Variants in FOXN3 observed in about 807,000 individuals in gnomAD.
FOXN3 encodes forkhead box protein N3.
Under a neutral mutation model 38.4 loss-of-function variants are expected in FOXN3, and 7 were observed. That is an observed-to-expected ratio of 0.18 (90% CI 0.10 to 0.34). FOXN3 has a LOEUF of 0.34. Among genes scored for constraint, FOXN3 ranks in the 10% least tolerant of loss-of-function variants. The probability of loss-of-function intolerance (pLI) is 1.00; values close to 1 mark genes in which losing one functional copy is unlikely to be tolerated. For missense variants in FOXN3, 456 were observed against 613.4 expected (o/e 0.74, Z 2.71); for synonymous variants, 230 against 242.2 (o/e 0.95, Z 0.47).
intron 2 of FOXN3, among the ~76,000 whole-genome samples, chr14:89,398,565 C>T (rs570366796): frequency 2.6e-5 from 4 of 152,218 alleles, no homozygotes; most frequent in Admixed American, 6.5e-5. Context: ...GACAAGAAAA[C>T]GGAGGTTCAA....
intron 4 of FOXN3, among the ~76,000 whole-genome samples, chr14:89,243,220 A>C (rs1473860113): frequency 6.6e-6 from 1 of 152,234 alleles, no homozygotes; most frequent in Non-Finnish European, 1.5e-5. Context: ...TTTTTTAAAA[A>C]AAGCAAAGCC....
chr14:89,571,490 G>A (rs1165112736), intron 1 of FOXN3, among the ~76,000 whole-genome samples: 1 of 149,962 alleles, frequency 6.7e-6, no homozygotes, highest in African/African-American at 2.5e-5. Context: ...GCCTGGGCAG[G>A]AGAGTGAGAC....
At chr14:89,170,512 C>A (rs951682382) in intron 5 of FOXN3, among the ~76,000 whole-genome samples, 1 of 152,144 alleles carries the variant, frequency 6.6e-6, no homozygotes, top group East Asian at 1.9e-4. Flanking sequence ...TGTGGCCTCA[C>A]GCAATCTCCC....
chr14:89,280,913 G>A (rs1286291961), intron 4 of FOXN3, 37 bp downstream of exon 4: 4 of 1,570,174 alleles, frequency 2.5e-6, no homozygotes, highest in Non-Finnish European at 3.5e-6. Context: ...GGGTGGGTGA[G>A]GGGGAGGGAG....
chr14:89,419,188 C>T (rs576060396), upstream of FOXN3: 9 of 456,032 alleles, frequency 2.0e-5, no homozygotes, highest in South Asian at 1.2e-4. Flanking sequence ...GAAGGTGTCA[C>T]CCTGAAGAGG....
At chr14:89,417,942 G>C, upstream of FOXN3, 1 of 339,452 alleles carries the variant, frequency 2.9e-6, no homozygotes, top group Non-Finnish European at 5.9e-6. Flanking sequence ...CCGGCCTAGA[G>C]AGAAAACAGG....
intron 1 of FOXN3, among the ~76,000 whole-genome samples, chr14:89,514,720 C>T (rs1348249897): frequency 6.6e-6 from 1 of 152,166 alleles, no homozygotes; most frequent in Non-Finnish European, 1.5e-5. Context: ...CCTGTGCTTT[C>T]GAGGAATTTT....
chr14:89,378,387 C>A (rs1458051871), intron 2 of FOXN3, among the ~76,000 whole-genome samples: 1 of 152,216 alleles, frequency 6.6e-6, no homozygotes, highest in Non-Finnish European at 1.5e-5. Context: ...TCTCTCAGAG[C>A]CAGACAGGTC....
chr14:89,270,537 T>C (rs562745147), intron 4 of FOXN3, among the ~76,000 whole-genome samples: 196 of 152,334 alleles, frequency 1.3e-3, no homozygotes, highest in African/African-American at 4.4e-3. Flanking sequence ...AAGGAAAGGC[T>C]CAAACTCATT....
intron 1 of FOXN3, among the ~76,000 whole-genome samples, chr14:89,616,011 T>C (rs142909947): frequency 9.2e-5 from 14 of 152,306 alleles, no homozygotes; most frequent in Non-Finnish European, 1.8e-4. Flanking sequence ...ATGCTTCAAA[T>C]TGCCATGACT....
intron 5 of FOXN3, among the ~76,000 whole-genome samples, chr14:89,178,701 A>G (rs934214754): frequency 1.3e-5 from 2 of 152,224 alleles, no homozygotes; most frequent in African/African-American, 2.4e-5. Flanking sequence ...TCAAGAGGGA[A>G]CTAATCAGTA....
chr14:89,165,128 C>T (rs1214463311), intron 5 of FOXN3, among the ~76,000 whole-genome samples: 1 of 152,180 alleles, frequency 6.6e-6, no homozygotes, highest in Non-Finnish European at 1.5e-5. Context: ...CAGTGAGACC[C>T]AGAAGGGTCC....
intron 4 of FOXN3, among the ~76,000 whole-genome samples, chr14:89,189,421 C>T (rs1182680645): frequency 5.3e-5 from 8 of 152,164 alleles, no homozygotes; most frequent in Admixed American, 2.0e-4. Context: ...AGCCCCTAAG[C>T]GGTGGTGTTG....
intron 4 of FOXN3, among the ~76,000 whole-genome samples, chr14:89,265,934 C>G (rs1885966403): frequency 6.6e-6 from 1 of 152,148 alleles, no homozygotes; most frequent in Non-Finnish European, 1.5e-5. Context: ...CCTGAAACAG[C>G]CTTAGCCAGA....
At chr14:89,502,583 A>G (rs1043970217) in intron 1 of FOXN3, among the ~76,000 whole-genome samples, 2 of 152,258 alleles carry the variant, frequency 1.3e-5, no homozygotes, top group Non-Finnish European at 1.5e-5. Context: ...AAATGAGTGC[A>G]TCTATTAGGC....
intron 2 of FOXN3, among the ~76,000 whole-genome samples, chr14:89,375,187 T>G (rs185614194): frequency 6.6e-6 from 1 of 152,176 alleles, no homozygotes; most frequent in African/African-American, 2.4e-5. Flanking sequence ...TAATGGTGGT[T>G]ACAGAGGTAT....
chr14:89,529,152 C>CT (rs1269430802), intron 1 of FOXN3, among the ~76,000 whole-genome samples: 1 of 152,148 alleles, frequency 6.6e-6, no homozygotes, highest in Non-Finnish European at 1.5e-5. Context: ...ACCCAAATTT[C>CT]TTTAAGTCTC....
At chr14:89,501,443 T>C (rs1428734755) in intron 1 of FOXN3, among the ~76,000 whole-genome samples, 1 of 152,192 alleles carries the variant, frequency 6.6e-6, no homozygotes. Flanking sequence ...GTTGCTCCAG[T>C]ATTCCCTAGT....
intron 4 of FOXN3, among the ~76,000 whole-genome samples, chr14:89,265,788 T>C (rs1043891234): frequency 3.3e-5 from 5 of 152,210 alleles, no homozygotes; most frequent in African/African-American, 1.2e-4. Context: ...TTCATGCTAA[T>C]TGCTATTATT....
Sources: gnomAD v4.1 joint callset for allele counts (sites outside exome capture counted in the v4.1 genomes callset) on GRCh38, gnomAD v4.1.1 for gene constraint, MANE v1.5 for transcripts, NCBI Gene and HGNC (gene_info 2026-07-23, HGNC 2026-07-21) for gene names.